The following PNPLA7 variants were observed in gnomAD, a reference collection of about 807,000 sequenced individuals.
PNPLA7 encodes patatin like domain 7, lysophospholipase.
PNPLA7 carries 153 observed loss-of-function variants against 161.7 expected under a neutral mutation model. The ratio of observed to expected loss-of-function variants is 0.95; its 90% CI spans 0.83 to 1.08. The LOEUF is 1.08. Ranked by LOEUF, PNPLA7 falls within the 50% of genes least tolerant of loss-of-function variation. The pLI is 0.00. For synonymous variants in PNPLA7, 809 were observed against 782.1 expected, an observed-to-expected ratio of 1.03 and a Z score of -0.57; for missense variants, 1,739 against 1,856.6, an observed-to-expected ratio of 0.94 and a Z score of 1.16.
chr9:137,488,805 G>A (rs1042713351), intron 20 of PNPLA7, among the ~76,000 whole-genome samples: 3 of 137,618 alleles, frequency 2.2e-5, no homozygotes, highest in African/African-American at 2.8e-5. Context: ...ACTGTCCACC[G>A]CCCACACCAG....
Position 137,463,402 on chromosome 9 carries a change from C to G in PNPLA7, c.3343+13G>C. 2 of 1,594,830 alleles carry G rather than the reference C, an allele frequency of 1.3e-6. No homozygotes were observed. Among genetic ancestry groups the G allele is most frequent in the East Asian group, 2.3e-5 (1 of 44,024 alleles). On this transcript the variant is annotated intron_variant, in intron 29 of 34. Transcript: ENST00000406427. ...CTGTGCTCCTGCCGGGCGTGGTCCC[C>G]CCACCGCAGTACCTGGGAGGTTGTT...
chr9:137,489,360 A>G (rs1832660399), intron 20 of PNPLA7, among the ~76,000 whole-genome samples: 1 of 152,176 alleles, frequency 6.6e-6, no homozygotes, highest in Non-Finnish European at 1.5e-5. Flanking sequence ...CAAGCACACT[A>G]ACAGTGAAAA....
rs1315101922 is a variant in PNPLA7 at position 137,543,015 on chromosome 9, C to G, written c.507-214G>C. 6.6e-6 allele frequency among the ~76,000 whole-genome samples: 1 copy of G among 152,184 alleles called. No homozygotes were observed. Among genetic ancestry groups the G allele is most frequent in the Non-Finnish European group, 1.5e-5 (1 of 68,036 alleles). ...GCCTGTTTTCCATCACCTCAGAGAA[C>G]TTCTTGACCCGTGAACCTGAGCCAC... On this transcript the variant is annotated intron_variant, in intron 6 of 34. Coordinates refer to ENST00000406427, the MANE Select transcript of PNPLA7 (RefSeq NM_001098537.3). The surrounding 1 kb of genome is among the most constrained non-coding windows in gnomAD (Gnocchi z 6.9).
intron 8 of PNPLA7, among the ~76,000 whole-genome samples, chr9:137,533,167 T>C (rs577959782): frequency 6.1e-4 from 64 of 105,016 alleles, no homozygotes; most frequent in Non-Finnish European, 6.9e-4. Context: ...CTCCCAGAAT[T>C]CTCCACAACA....
chr9:137,515,677 C>T (rs1449850823), intron 11 of PNPLA7, among the ~76,000 whole-genome samples, 158 bp from the exon 12 acceptor site: 1 of 151,704 alleles, frequency 6.6e-6, no homozygotes, highest in East Asian at 2.0e-4. Flanking sequence ...TCTGCATCTG[C>T]CGGGCCAGCA....
intron 21 of PNPLA7, among the ~76,000 whole-genome samples, chr9:137,481,744 C>A (rs1832230150): frequency 6.6e-6 from 1 of 152,140 alleles, no homozygotes; most frequent in African/African-American, 2.4e-5. Context: ...ATCACGAGGT[C>A]AGGAGATCCG....
intron 24 of PNPLA7, 72 bp from the exon 25 acceptor site, chr9:137,478,224 A>G (rs1027007321): frequency 4.4e-6 from 5 of 1,144,350 alleles, no homozygotes; most frequent in Admixed American, 8.5e-5. Flanking sequence ...TCCTGGCTTG[A>G]CTGGGGGGAG....
At chr9:137,497,128 C>T in intron 18 of PNPLA7, 59 bp downstream of exon 18, 1 of 1,433,876 alleles carries the variant, frequency 7.0e-7, no homozygotes. Flanking sequence ...GGCCAGAACC[C>T]AGGATGCTCT....
intron 20 of PNPLA7, chr9:137,492,325 C>G: frequency 1.0e-6 from 1 of 984,964 alleles, no homozygotes; most frequent in East Asian, 1.1e-4. Context: ...TTTTTCCAAT[C>G]AGCTGACAAA....
rs1266087124 is a variant in PNPLA7 at position 137,462,675 on chromosome 9, A to G, written c.3492+10T>C. On this transcript the variant is annotated intron_variant, in intron 30 of 34. Coordinates refer to ENST00000406427, the MANE Select transcript of PNPLA7 (RefSeq NM_001098537.3). The stretch of plus-strand genomic sequence containing the variant: ...GCAGGGACAGCCCAGCCTGCCCGGT[A>G]GCACCCCACCTTGACTTTCGTGGCC... The G allele has an allele frequency of 1.2e-6, 2 of 1,613,166 alleles. No individual in the cohort carries two copies. Among genetic ancestry groups the G allele is most frequent in the Non-Finnish European group, 1.7e-6 (2 of 1,179,734 alleles).
Position 137,543,632 on chromosome 9 carries a change from C to G in PNPLA7, c.366-60G>C. The G allele has an allele frequency of 1.9e-6, 3 of 1,607,804 alleles. No individual in the cohort carries two copies. The South Asian group carries it at 3.3e-5, about 18-fold the overall frequency. Reference sequence around the variant, plus strand: ...CAGGCGGGTTCGAAACCCACAGCATCAGTGGCTGACACACCAGGCAGCTCA... The same window carrying G: ...CAGGCGGGTTCGAAACCCACAGCATGAGTGGCTGACACACCAGGCAGCTCA... On this transcript the variant is annotated intron_variant, in intron 5 of 34. Transcript: ENST00000406427. The surrounding 1 kb of genome is among the most constrained non-coding windows in gnomAD (Gnocchi z 6.9).
Position 137,464,430 on chromosome 9 carries a change from C to T in PNPLA7, c.3066G>A (p.Ala1022=), listed in dbSNP as rs774758400. Residue 1022 remains alanine (A), a synonymous_variant, in exon 27 of 35, where the codon GCG becomes GCA. Coordinates refer to ENST00000406427, the MANE Select transcript of PNPLA7 (RefSeq NM_001098537.3). ...AEGMTSLMKA[A]LDLTYPITSM... is the part of the protein sequence containing the mutation. Reference sequence around the variant, plus strand: ...ACGTGATGGGGTAGGTGAGGTCCAGCGCGGCCTTCATCAAGGACGTCATGC... The same window carrying T: ...ACGTGATGGGGTAGGTGAGGTCCAGTGCGGCCTTCATCAAGGACGTCATGC... 17 of 1,613,936 alleles carry T rather than the reference C, an allele frequency of 1.1e-5. No individual in the cohort carries two copies. Among genetic ancestry groups the T allele is most frequent in the South Asian group, 3.3e-5 (3 of 91,084 alleles).
At chr9:137,512,157 T>C (rs374078081) in intron 12 of PNPLA7, among the ~76,000 whole-genome samples, 8 of 152,272 alleles carry the variant, frequency 5.3e-5, no homozygotes, top group East Asian at 3.8e-4. Flanking sequence ...CACAAGGCCC[T>C]GTAGGGCTGG....
In PNPLA7 at chr9:137,499,219, CACACACAG is replaced by C. The variant is rs1452277141; in HGVS notation, c.1758-982_1758-975del. Among the ~76,000 whole-genome samples, 21 of 150,278 alleles carry C rather than the reference CACACACAG, an allele frequency of 1.4e-4. No individual in the cohort carries two copies. Among genetic ancestry groups the C allele is most frequent in the Non-Finnish European group, 2.5e-4 (17 of 67,284 alleles). On this transcript the variant is annotated intron_variant, in intron 16 of 34. Transcript: ENST00000406427. This position sits in a 1 kb window ranked among gnomAD's most constrained non-coding sequence, Gnocchi z 5.5. ...AGGCAGACACACAGGCACACCGAGA[CACACACAG>C]ACACACAGACACACACAGACACAAG...
chr9:137,474,892 G>A (rs1006644145), intron 25 of PNPLA7, among the ~76,000 whole-genome samples: 2 of 150,952 alleles, frequency 1.3e-5, no homozygotes, highest in African/African-American at 2.4e-5. Context: ...CGTGGTGGGG[G>A]CGCCTGTAGT....
At chr9:137,481,873 T>C (rs1832238720) in intron 21 of PNPLA7, among the ~76,000 whole-genome samples, 1 of 152,100 alleles carries the variant, frequency 6.6e-6, no homozygotes, top group Non-Finnish European at 1.5e-5. Flanking sequence ...GAGGTGGAGC[T>C]TGCAGTGAGC....
At position 137,500,755 on chromosome 9, in the gene PNPLA7, T is replaced by A; in HGVS notation, c.1693A>T (p.Ile565Phe). The A allele has an allele frequency of 1.2e-6, 2 of 1,612,054 alleles. No individual in the cohort carries two copies. Among genetic ancestry groups the A allele is most frequent in the South Asian group, 2.2e-5 (2 of 90,938 alleles). Residue 565 changes from isoleucine (I) to phenylalanine (F), a missense_variant, in exon 16 of 35, where the codon ATC becomes TTC. Transcript: ENST00000406427. This position sits in a 1 kb window ranked among gnomAD's most constrained non-coding sequence, Gnocchi z 5.5. ...TCCCTGTTGGCCTTGACGGTGAAGA[T>A]GAGAGGCTCCCCGGTGAGCACGGCC... ...QLAVLTGEPLIFTVKANRDCS... is the reference protein window; with the variant it reads ...QLAVLTGEPLFFTVKANRDCS...
chr9:137,497,396 T>C, intron 17 of PNPLA7, 86 bp from the exon 18 acceptor site: 1 of 1,271,556 alleles, frequency 7.9e-7, no homozygotes, highest in Non-Finnish European at 1.0e-6. Context: ...AGACTCAGGA[T>C]GGAGAAAAAG....
At chr9:137,544,793 G>A (rs1836399847) in intron 4 of PNPLA7, among the ~76,000 whole-genome samples, 2 of 152,048 alleles carry the variant, frequency 1.3e-5, no homozygotes. Flanking sequence ...GGGATTACAG[G>A]CGCCCGCCAC....
Sources: gnomAD v4.1 joint callset for allele counts (sites outside exome capture counted in the v4.1 genomes callset) on GRCh38, gnomAD v4.1.1 for gene constraint, Gnocchi (gnomAD v3.1) non-coding constraint, MANE v1.5 for transcripts, NCBI Gene and HGNC (gene_info 2026-07-23, HGNC 2026-07-21) for gene names.